Variants in RNFT2 observed in about 807,000 individuals in gnomAD.
RNFT2 encodes the protein ring finger protein, transmembrane 2.
RNFT2 carries 36 observed loss-of-function variants against 53.0 expected under a neutral mutation model. The ratio of observed to expected loss-of-function variants is 0.68; its 90% CI spans 0.52 to 0.90. RNFT2 has a LOEUF of 0.90. RNFT2 is among the 40% of genes least tolerant of loss of function. The pLI is 0.00. For synonymous variants in RNFT2, 260 were observed against 253.2 expected (o/e 1.03, Z -0.26); for missense variants, 514 against 585.6 (o/e 0.88, Z 1.26).
intron 7 of RNFT2, among the ~76,000 whole-genome samples, chr12:116,799,113 G>A (rs1474856752): frequency 6.6e-6 from 1 of 152,204 alleles, no homozygotes; most frequent in Non-Finnish European, 1.5e-5. Context: ...AAGGTTGTTG[G>A]CAGAATCAGT....
At chr12:116,810,081 G>A (rs960316481) in intron 7 of RNFT2, among the ~76,000 whole-genome samples, 1 of 152,124 alleles carries the variant, frequency 6.6e-6, no homozygotes, top group African/African-American at 2.4e-5. Flanking sequence ...CAGATATATT[G>A]GACACCCCAG....
At chr12:116,814,735 G>C (rs1489668424) in intron 7 of RNFT2, among the ~76,000 whole-genome samples, 1 of 151,904 alleles carries the variant, frequency 6.6e-6, no homozygotes, top group African/African-American at 2.4e-5. Flanking sequence ...GGAGTGTGCA[G>C]TGGTGCAATC....
At chr12:116,740,034 C>T (rs1871528369) in intron 1 of RNFT2, among the ~76,000 whole-genome samples, 1 of 152,088 alleles carries the variant, frequency 6.6e-6, no homozygotes, top group South Asian at 2.1e-4. Flanking sequence ...GGTGAAATCC[C>T]ATCTCTACTA....
intron 7 of RNFT2, among the ~76,000 whole-genome samples, chr12:116,808,499 G>A (rs1875193692): frequency 6.6e-6 from 1 of 152,166 alleles, no homozygotes; most frequent in Non-Finnish European, 1.5e-5. Flanking sequence ...GCAGGGACAG[G>A]GCCCCAGCAG....
chr12:116,753,922 AGCACC>A, intron 4 of RNFT2, 57 bp from the exon 5 acceptor site: 1 of 1,326,320 alleles, frequency 7.5e-7, no homozygotes, highest in South Asian at 1.2e-5. Context: ...CATGTTGCTC[AGCACC>A]TGGGCTAGGC....
intron 6 of RNFT2, among the ~76,000 whole-genome samples, chr12:116,774,107 G>T (rs924780792): frequency 6.6e-6 from 1 of 152,178 alleles, no homozygotes; most frequent in Non-Finnish European, 1.5e-5. Context: ...CAGATTTATA[G>T]ACAGAAAGAA....
At position 116,853,516 on chromosome 12, in the gene RNFT2, A is replaced by C; in HGVS notation, c.*4068A>C. On this transcript the variant is annotated 3_prime_UTR_variant, in exon 11 of 11. Transcript: ENST00000257575. ...CTCGGGATTAGAAGAAAGAGAGGTA[A>C]ATAAAGTGGGTCCTGGAATCTTTTA... 1 of 256,216 alleles carries C rather than the reference A, an allele frequency of 3.9e-6. No homozygotes were observed. Among genetic ancestry groups the C allele is most frequent in the Non-Finnish European group, 7.3e-6 (1 of 136,214 alleles). 15.9% of individuals were successfully genotyped at this position (256,216 alleles called of 1,614,324 possible). A position where few individuals can be genotyped will look rare whatever the true frequency, so the allele number is the denominator to read the frequency against.
At position 116,740,335 on chromosome 12, in the gene RNFT2, T is replaced by A. The variant is rs1020149346; in HGVS notation, c.-153-10T>A. 8 of 647,062 alleles carry A rather than the reference T, an allele frequency of 1.2e-5. No individual in the cohort carries two copies. The highest frequency in any genetic ancestry group is 5.4e-5 in the African/African-American group (3 of 55,430). The allele number at this position is 647,062 out of a possible 1,614,324, so 40.1% of individuals were successfully genotyped here. A position where few individuals can be genotyped will look rare whatever the true frequency, so the allele number is the denominator to read the frequency against. ...AGGGACTGTTCATCCAGGTGTTCTG[T>A]TCCATCCAGGTTTGGAGTCTCTGGC... On this transcript the variant is annotated splice_polypyrimidine_tract_variant and intron_variant, in intron 1 of 10. Transcript: ENST00000257575.
intron 7 of RNFT2, among the ~76,000 whole-genome samples, chr12:116,807,906 C>T (rs151176583): frequency 0.019 from 2,920 of 152,208 alleles, 49 homozygotes; most frequent in Middle Eastern, 0.034. Context: ...TGGGCTCAAA[C>T]GATCCTCCCA....
intron 7 of RNFT2, among the ~76,000 whole-genome samples, chr12:116,823,193 T>G (rs2137184998): frequency 6.6e-6 from 1 of 152,274 alleles, no homozygotes; most frequent in African/African-American, 2.4e-5. Flanking sequence ...TAGCCTAAAG[T>G]GACACCAGTA....
rs188366249 is a variant in RNFT2 at position 116,790,171 on chromosome 12, T to C, written c.882+10823T>C. Among the ~76,000 whole-genome samples the C allele has an allele frequency of 1.6e-4, 24 of 152,294 alleles. No individual in the cohort carries two copies. The East Asian group carries it at 4.6e-3, about 29-fold the overall frequency. ...CACTTCTCTGTGCTAGAAAAGACCATATAGGGCCTTTGAAAGAAATCTGGC... is the reference window on the plus strand; with the variant it reads ...CACTTCTCTGTGCTAGAAAAGACCACATAGGGCCTTTGAAAGAAATCTGGC... On this transcript the variant is annotated intron_variant, in intron 7 of 10. Coordinates refer to ENST00000257575, the MANE Select transcript of RNFT2 (RefSeq NM_001382266.1).
In RNFT2 at chr12:116,766,917, G is replaced by A. The variant is rs1872940179; in HGVS notation, c.728+3G>A. The A allele has an allele frequency of 1.3e-6, 2 of 1,573,018 alleles. No individual in the cohort carries two copies. The highest frequency in any genetic ancestry group is 4.6e-5 in the East Asian group (2 of 43,014). On this transcript the variant is annotated splice_donor_region_variant and intron_variant, in intron 6 of 10. Coordinates refer to ENST00000257575, the MANE Select transcript of RNFT2 (RefSeq NM_001382266.1). Reference sequence around the variant, plus strand: ...AGCTCCCAGCAGCTGTACAACAGGTGAGCATGGGAATCCAACCCCCACGGT... The same window carrying A: ...AGCTCCCAGCAGCTGTACAACAGGTAAGCATGGGAATCCAACCCCCACGGT...
chr12:116,779,418 TGAG>T, intron 7 of RNFT2, 70 bp downstream of exon 7: 1 of 1,548,736 alleles, frequency 6.5e-7, no homozygotes, highest in Non-Finnish European at 8.9e-7. Context: ...GGGTGCCTTC[TGAG>T]GAGGAAAGAA....
chr12:116,790,445 T>C (rs530231229), intron 7 of RNFT2, among the ~76,000 whole-genome samples: 1 of 152,182 alleles, frequency 6.6e-6, no homozygotes, highest in African/African-American at 2.4e-5. Context: ...GCTGTTGATA[T>C]CTCTTTTCAC....
intron 3 of RNFT2, among the ~76,000 whole-genome samples, chr12:116,745,417 C>T (rs1871851353): frequency 6.6e-6 from 1 of 152,086 alleles, no homozygotes. Context: ...TCAAGTGATT[C>T]TCCCACCTCA....
intron 7 of RNFT2, among the ~76,000 whole-genome samples, chr12:116,808,891 C>T (rs1356099958): frequency 6.6e-6 from 1 of 152,114 alleles, no homozygotes; most frequent in Non-Finnish European, 1.5e-5. Flanking sequence ...TGGAAATCGA[C>T]CTCCAGGTTG....
In RNFT2 at chr12:116,849,574, G is replaced by A. The variant is rs1877806236; in HGVS notation, c.*126G>A. ...CTGCCTCTTGCCCTCCACCACCTCT[G>A]ACCCCAAAGTCCCGCCCCTGTCTTG... On this transcript the variant is annotated 3_prime_UTR_variant, in exon 11 of 11. Coordinates refer to ENST00000257575, the MANE Select transcript of RNFT2 (RefSeq NM_001382266.1). 1 of 1,431,562 alleles carries A rather than the reference G, an allele frequency of 7.0e-7. No homozygotes were observed. Among genetic ancestry groups the A allele is most frequent in the African/African-American group, 1.4e-5 (1 of 70,286 alleles). The allele number at this position is 1,431,562 out of a possible 1,614,324, so 88.7% of individuals were successfully genotyped here. A position where few individuals can be genotyped will look rare whatever the true frequency, so the allele number is the denominator to read the frequency against.
Position 116,816,214 on chromosome 12 carries a change from C to G in RNFT2, c.883-17578C>G, listed in dbSNP as rs1399151077. Among the ~76,000 whole-genome samples the G allele has an allele frequency of 2.0e-5, 3 of 152,196 alleles. No homozygotes were observed. The East Asian group carries it at 5.8e-4, about 29-fold the overall frequency. On this transcript the variant is annotated intron_variant, in intron 7 of 10. Transcript: ENST00000257575. ...CTCCTGGGTACTGGGGAGCAGGGCC[C>G]TGTGTGTAGGGAAGCTGCTGATGCA...
At chr12:116,757,293 C>T (rs1343571684) in intron 5 of RNFT2, among the ~76,000 whole-genome samples, 1 of 151,978 alleles carries the variant, frequency 6.6e-6, no homozygotes, top group Non-Finnish European at 1.5e-5. Flanking sequence ...TTTCGTTTAT[C>T]TTTTGAATTT....
Sources: allele counts gnomAD v4.1 joint callset (sites outside exome capture counted in the v4.1 genomes callset), GRCh38; gene constraint gnomAD v4.1.1; transcripts MANE v1.5; gene names NCBI Gene and HGNC (gene_info 2026-07-23, HGNC 2026-07-21).